HDAC8: variants seen among roughly 807,000 people sequenced by gnomAD.
HDAC8 encodes histone deacetylase 8.
Under a neutral mutation model 32.2 loss-of-function variants are expected in HDAC8, and 1 was observed. That is an observed-to-expected ratio of 0.03 (90% CI 0.01 to 0.15). The LOEUF (loss-of-function observed/expected upper bound fraction) is 0.15. Ranked by LOEUF, HDAC8 falls within the 10% of genes least tolerant of loss-of-function variation. The pLI, the probability that HDAC8 is intolerant of heterozygous loss-of-function variation, is 1.00. For missense variants in HDAC8, 117 were observed against 300.0 expected (o/e 0.39, Z 4.51); for synonymous variants, 108 against 113.9 (o/e 0.95, Z 0.33).
intron 9 of HDAC8, among the ~76,000 whole-genome samples, chrX:72,448,620 G>A (rs938933695): frequency 1.1e-4 from 12 of 112,101 alleles, no homozygotes; most frequent in Non-Finnish European, 3.8e-5. Flanking sequence ...TGCACAGCAA[G>A]AGAAACTATC....
intron 9 of HDAC8, among the ~76,000 whole-genome samples, chrX:72,402,982 T>G (rs2045945514): frequency 8.9e-6 from 1 of 112,171 alleles, no homozygotes; most frequent in African/African-American, 3.2e-5. Flanking sequence ...TTATGGTTGT[T>G]GTTTGCATGA....
At chrX:72,424,942 T>A (rs1192487597) in intron 9 of HDAC8, among the ~76,000 whole-genome samples, 1 of 112,500 alleles carries the variant, frequency 8.9e-6, no homozygotes, top group Non-Finnish European at 1.9e-5. Context: ...CTATACAATA[T>A]TTTGTCCATT....
chrX:72,442,316 A>G (rs2047182162), intron 9 of HDAC8, among the ~76,000 whole-genome samples: 1 of 111,914 alleles, frequency 8.9e-6, no homozygotes, highest in East Asian at 2.8e-4. Flanking sequence ...AGGGAAGCCC[A>G]TCAGACTAAC....
chrX:72,341,528 C>T (rs1233233948), intron 10 of HDAC8, among the ~76,000 whole-genome samples: 8 of 111,533 alleles, frequency 7.2e-5, no homozygotes, highest in African/African-American at 2.0e-4. Flanking sequence ...GAAATTTTGG[C>T]GGGGTATAAA....
intron 7 of HDAC8, among the ~76,000 whole-genome samples, chrX:72,486,081 A>G (rs2048666757): frequency 9.0e-6 from 1 of 111,152 alleles, no homozygotes; most frequent in Admixed American, 9.6e-5. Flanking sequence ...TAGATCGCCG[A>G]CAGAGTGAGA....
chrX:72,446,955 A>T (rs1352523730), intron 9 of HDAC8, among the ~76,000 whole-genome samples: 1 of 112,065 alleles, frequency 8.9e-6, no homozygotes, highest in Admixed American at 9.4e-5. Context: ...TTAATAGCCT[A>T]CCAACAAAAA....
chrX:72,572,599 G>GCCCCCCCCCCCCC, intron 1 of HDAC8, 52 bp downstream of exon 1: 1 of 453,102 alleles, frequency 2.2e-6, no homozygotes. Flanking sequence ...TTCGTCCACC[G>GCCCCCCCCCCCCC]CCCCCACCCC....
chrX:72,572,667 G>C lies in HDAC8; in HGVS notation c.95C>G (p.Ala32Gly). The change falls in exon 1 of 11, where the codon GCC becomes GGC. Residue 32 changes from alanine to glycine, a missense_variant. Physicochemically the swap from Ala to Gly is moderately conservative, Grantham distance 60 (BLOSUM62 0). Coordinates refer to ENST00000373573, the MANE Select transcript of HDAC8 (RefSeq NM_018486.3). ...PEYVSMCDSL[A>G]KIPKRASMVH... is the part of the protein sequence containing the mutation. ...TTCCCTTACCCGTTTGGGGATCTTG[G>C]CCAGGGAGTCACACATACTGACATA... The C allele has an allele frequency of 8.5e-7, 1 of 1,177,567 alleles. No individual in the cohort carries two copies.
intron 9 of HDAC8, among the ~76,000 whole-genome samples, chrX:72,430,760 G>A (rs1379012909): frequency 8.9e-6 from 1 of 111,903 alleles, no homozygotes; most frequent in Non-Finnish European, 1.9e-5. Flanking sequence ...AATAAATGTT[G>A]AGTGGGAGAG....
At chrX:72,413,269 CCCCCCA>C (rs2046249458) in intron 9 of HDAC8, among the ~76,000 whole-genome samples, 2 of 59,071 alleles carry the variant, frequency 3.4e-5, no homozygotes, top group African/African-American at 2.1e-4. Flanking sequence ...CCTCCCCCCA[CCCCCCA>C]CCCCACAACA....
chrX:72,495,500 C>T (rs1173599661), intron 4 of HDAC8, among the ~76,000 whole-genome samples: 2 of 111,782 alleles, frequency 1.8e-5, no homozygotes, highest in Non-Finnish European at 1.9e-5. Context: ...TTCATGATCC[C>T]AGATTTTCAA....
chrX:72,427,935 T>C (rs1020608413), intron 9 of HDAC8, among the ~76,000 whole-genome samples: 21 of 111,885 alleles, frequency 1.9e-4, no homozygotes, highest in African/African-American at 4.9e-4. Flanking sequence ...TTGCACCTAA[T>C]TTTATATTCA....
intron 10 of HDAC8, among the ~76,000 whole-genome samples, chrX:72,346,185 C>A: frequency 9.0e-6 from 1 of 111,258 alleles, no homozygotes; most frequent in African/African-American, 3.3e-5. Flanking sequence ...GAATAAAGAG[C>A]CAGCAGGGGA....
Position 72,329,774 on chromosome X carries a change from A to T in HDAC8, c.*280T>A, listed in dbSNP as rs2043467096. The T allele has an allele frequency of 1.8e-6, 2 of 1,124,442 alleles. No individual in the cohort carries two copies. Among genetic ancestry groups the T allele is most frequent in the Non-Finnish European group, 2.4e-6 (2 of 838,696 alleles). The allele number at this position is 1,124,442 out of a possible 1,213,427, so 92.7% of individuals were successfully genotyped here. A position where few individuals can be genotyped will look rare whatever the true frequency, so the allele number is the denominator to read the frequency against. On this transcript the variant is annotated 3_prime_UTR_variant, in exon 11 of 11. Coordinates refer to ENST00000373573, the MANE Select transcript of HDAC8 (RefSeq NM_018486.3). Reference sequence around the variant, plus strand: ...CCCAATTCGCTTAAAAATAATTTTCAAAGATTAAAAATTTCATTTGTGTGT... The same window carrying T: ...CCCAATTCGCTTAAAAATAATTTTCTAAGATTAAAAATTTCATTTGTGTGT...
chrX:72,468,130 A>T, intron 7 of HDAC8: 1 of 801,472 alleles, frequency 1.2e-6, no homozygotes, highest in South Asian at 3.4e-5. Flanking sequence ...GATTGTGAAC[A>T]CTTTTAAATT....
intron 9 of HDAC8, among the ~76,000 whole-genome samples, chrX:72,387,451 C>G (rs973324346): frequency 9.0e-6 from 1 of 111,645 alleles, no homozygotes; most frequent in Non-Finnish European, 1.9e-5. Flanking sequence ...CACTCCCTGC[C>G]GTCATCATCA....
At chrX:72,552,271 A>G (rs782234055) in intron 4 of HDAC8, among the ~76,000 whole-genome samples, 1 of 109,145 alleles carries the variant, frequency 9.2e-6, no homozygotes, top group South Asian at 4.0e-4. Context: ...AGACCAGCCT[A>G]GGCAACATAA....
chrX:72,508,245 T>C (rs1248647665), intron 4 of HDAC8, among the ~76,000 whole-genome samples: 5 of 112,271 alleles, frequency 4.5e-5, no homozygotes, highest in Non-Finnish European at 7.5e-5. Flanking sequence ...TTGGCTTTCC[T>C]CTGTTGTTGG....
chrX:72,367,231 G>C (rs1555954656), intron 9 of HDAC8, among the ~76,000 whole-genome samples: 2 of 112,073 alleles, frequency 1.8e-5, no homozygotes, highest in African/African-American at 6.5e-5. Flanking sequence ...TAGACTTGGT[G>C]CTTCCCGGCA....
Sources: gnomAD v4.1 joint callset for allele counts (sites outside exome capture counted in the v4.1 genomes callset) on GRCh38, gnomAD v4.1.1 for gene constraint, MANE v1.5 for transcripts, NCBI Gene and HGNC (gene_info 2026-07-23, HGNC 2026-07-21) for gene names.